The following FRMD4B variants were observed in gnomAD, a reference collection of about 807,000 sequenced individuals.
The protein encoded by FRMD4B is FERM domain containing 4B.
A neutral mutation model predicts 141.5 loss-of-function variants in FRMD4B; 74 were observed. That is an observed-to-expected ratio of 0.52 (90% CI 0.43 to 0.63). The LOEUF (loss-of-function observed/expected upper bound fraction) is 0.63. Ranked by LOEUF, FRMD4B falls within the 30% of genes least tolerant of loss-of-function variation. FRMD4B has a pLI of 0.00. For missense variants in FRMD4B, 1,366 were observed against 1,253.4 expected (o/e 1.09, Z -1.36); for synonymous variants, 506 against 467.9 (o/e 1.08, Z -1.05).
intron 1 of FRMD4B, among the ~76,000 whole-genome samples, chr3:69,447,915 T>C (rs942743379): frequency 3.9e-5 from 6 of 152,234 alleles, no homozygotes; most frequent in African/African-American, 7.2e-5. Flanking sequence ...AGTATTCTAT[T>C]GTATGGCTAT....
chr3:69,534,024 G>A (rs756042850), intron 1 of FRMD4B, among the ~76,000 whole-genome samples: 1 of 152,158 alleles, frequency 6.6e-6, no homozygotes, highest in Non-Finnish European at 1.5e-5. Context: ...GACCAGCACC[G>A]TTGGCATCAC....
intron 1 of FRMD4B, among the ~76,000 whole-genome samples, chr3:69,443,350 G>A (rs1022810631): frequency 3.3e-5 from 5 of 152,082 alleles, no homozygotes; most frequent in African/African-American, 1.2e-4. Flanking sequence ...CTGCTTTTTG[G>A]ACCCCTCTGG....
chr3:69,193,520 G>A, intron 17 of FRMD4B, 128 bp downstream of exon 17: 1 of 625,214 alleles, frequency 1.6e-6, no homozygotes, highest in South Asian at 2.1e-5. Context: ...AAATAAAAAA[G>A]AAAACTTAGT....
At chr3:69,175,252 A>G (rs1299260287) in intron 22 of FRMD4B, among the ~76,000 whole-genome samples, 1 of 152,188 alleles carries the variant, frequency 6.6e-6, no homozygotes. Flanking sequence ...TACACATTCT[A>G]AAAACAGGAG....
intron 8 of FRMD4B, among the ~76,000 whole-genome samples, chr3:69,224,019 G>T (rs1276849406): frequency 2.0e-5 from 3 of 151,926 alleles, no homozygotes; most frequent in African/African-American, 7.3e-5. Flanking sequence ...CATTTTAGTG[G>T]AAAGAAAAAC....
chr3:69,256,322 T>C (rs1458198674), intron 5 of FRMD4B, among the ~76,000 whole-genome samples: 1 of 152,098 alleles, frequency 6.6e-6, no homozygotes, highest in Non-Finnish European at 1.5e-5. Flanking sequence ...CACACTGTTT[T>C]TGTTTGTTTG....
At chr3:69,458,528 G>A (rs138264991) in intron 1 of FRMD4B, among the ~76,000 whole-genome samples, 1 of 152,180 alleles carries the variant, frequency 6.6e-6, no homozygotes, top group African/African-American at 2.4e-5. Flanking sequence ...TACAAAGACT[G>A]AACATGGAAG....
chr3:69,383,495 T>C, intron 1 of FRMD4B, among the ~76,000 whole-genome samples: 1 of 152,246 alleles, frequency 6.6e-6, no homozygotes, highest in East Asian at 1.9e-4. Context: ...CGGGGGTACA[T>C]GTGATAATGT....
At chr3:69,489,338 T>C (rs1015937203) in intron 1 of FRMD4B, among the ~76,000 whole-genome samples, 2 of 148,878 alleles carry the variant, frequency 1.3e-5, no homozygotes, top group Non-Finnish European at 3.0e-5. Context: ...ATGAGATATA[T>C]GTATATAAAA....
intron 1 of FRMD4B, among the ~76,000 whole-genome samples, chr3:69,542,038 C>A (rs1701193551): frequency 6.6e-6 from 1 of 152,142 alleles, no homozygotes; most frequent in Non-Finnish European, 1.5e-5. Flanking sequence ...AGACCTCGAG[C>A]CCCAGGGCGG....
At chr3:69,330,041 G>A (rs1702314553) in intron 1 of FRMD4B, among the ~76,000 whole-genome samples, 1 of 152,070 alleles carries the variant, frequency 6.6e-6, no homozygotes, top group Non-Finnish European at 1.5e-5. Context: ...TGTGTCATTT[G>A]CCTTTCCAGC....
At chr3:69,357,039 A>G (rs1056915260) in intron 1 of FRMD4B, among the ~76,000 whole-genome samples, 3 of 152,208 alleles carry the variant, frequency 2.0e-5, no homozygotes, top group Non-Finnish European at 4.4e-5. Flanking sequence ...CCATTAGTCC[A>G]CTGACCAACA....
intron 2 of FRMD4B, among the ~76,000 whole-genome samples, chr3:69,430,779 C>A (rs529093179): frequency 2.0e-5 from 3 of 152,184 alleles, no homozygotes; most frequent in Non-Finnish European, 4.4e-5. Context: ...ATCTGTGCAT[C>A]CTCTCTTAAA....
chr3:69,188,803 G>GT (rs2092801901), intron 18 of FRMD4B, among the ~76,000 whole-genome samples: 1 of 151,098 alleles, frequency 6.6e-6, no homozygotes, highest in African/African-American at 2.4e-5. Flanking sequence ...AGATAAAGCA[G>GT]TGGGGGTGTG....
chr3:69,470,177 C>A (rs918869636), intron 1 of FRMD4B, among the ~76,000 whole-genome samples: 1 of 152,154 alleles, frequency 6.6e-6, no homozygotes, highest in Non-Finnish European at 1.5e-5. Context: ...AGGTTTCTTG[C>A]AATTACATTG....
intron 1 of FRMD4B, among the ~76,000 whole-genome samples, chr3:69,500,304 C>T (rs565398680): frequency 5.3e-5 from 8 of 152,188 alleles, no homozygotes; most frequent in Admixed American, 2.0e-4. Context: ...GATTTTATAA[C>T]GTCAGCTGCA....
rs151333172 is a variant in FRMD4B at position 69,366,857 on chromosome 3, C to A, written c.162+18971G>T. Reference sequence around the variant, plus strand: ...TGATCACAGCACACTGCAGCCTCAACCTCCTGGGCTCAAGTGATCCTCCCA... The same window carrying A: ...TGATCACAGCACACTGCAGCCTCAAACTCCTGGGCTCAAGTGATCCTCCCA... On this transcript the variant is annotated intron_variant, in intron 1 of 22. Transcript: ENST00000398540. Among the ~76,000 whole-genome samples the A allele has an allele frequency of 9.0e-3, 1,368 of 152,086 alleles. 25 individuals carry two copies. Among genetic ancestry groups the A allele is most frequent in the African/African-American group, 0.03 (1,239 of 41,458 alleles).
chr3:69,246,353 G>C (rs2093425692), intron 7 of FRMD4B, among the ~76,000 whole-genome samples: 1 of 152,164 alleles, frequency 6.6e-6, no homozygotes, highest in Non-Finnish European at 1.5e-5. Flanking sequence ...CCACTCAGGA[G>C]GCTGAGATGA....
At position 69,180,974 on chromosome 3, in the gene FRMD4B, A is replaced by C. The variant is rs746057069; in HGVS notation, c.2776T>G (p.Ser926Ala). 1 of 1,613,996 alleles carries C rather than the reference A, an allele frequency of 6.2e-7. No individual in the cohort carries two copies. The change falls in exon 21 of 23, where the codon TCA (serine) becomes GCA (alanine). Residue 926 changes from serine (S) to alanine (A), a missense_variant. Physicochemically the swap from Ser to Ala is moderately conservative, Grantham distance 99. Transcript: ENST00000398540. Reference protein sequence around the residue: ...PQTSFDSDRGSQRCLGFAGLQ... With the variant: ...PQTSFDSDRGAQRCLGFAGLQ... The stretch of plus-strand genomic sequence containing the variant: ...CCCGCAAACCCCAGGCATCTCTGTG[A>C]TCCCCTGTCTGAGTCAAAGCTGGTC...
Sources: allele counts gnomAD v4.1 joint callset (sites outside exome capture counted in the v4.1 genomes callset), GRCh38; gene constraint gnomAD v4.1.1; transcripts MANE v1.5; gene names NCBI Gene and HGNC (gene_info 2026-07-23, HGNC 2026-07-21).